GJB7: variants seen among roughly 807,000 people sequenced by gnomAD.
The protein encoded by GJB7 is gap junction protein beta 7.
For missense variants in GJB7, 253 were observed against 256.8 expected, an observed-to-expected ratio of 0.99 and a Z score of 0.10; for synonymous variants, 87 against 95.2, an observed-to-expected ratio of 0.91 and a Z score of 0.50.
chr6:87,299,467 C>A, intron 2 of GJB7: 1 of 438,782 alleles, frequency 2.3e-6, no homozygotes, highest in Non-Finnish European at 4.5e-6. Context: ...ATGTGAATTC[C>A]AGGATGCCTA....
chr6:87,298,988 G>A, intron 2 of GJB7: 1 of 474,860 alleles, frequency 2.1e-6, no homozygotes, highest in Non-Finnish European at 4.2e-6. Context: ...AAAAGATGGT[G>A]TGACTGTTCC....
At chr6:87,307,063 T>A (rs1034675070) in intron 2 of GJB7, among the ~76,000 whole-genome samples, 1 of 151,974 alleles carries the variant, frequency 6.6e-6, no homozygotes, top group Non-Finnish European at 1.5e-5. Context: ...TTAGGAGACA[T>A]ACCTAATGCT....
chr6:87,317,638 C>G (rs1776602068), intron 2 of GJB7, among the ~76,000 whole-genome samples: 1 of 152,196 alleles, frequency 6.6e-6, no homozygotes, highest in South Asian at 2.1e-4. Context: ...ATCATTTTAG[C>G]CAGGCTGGTC....
chr6:87,308,204 C>A (rs1468080588), intron 2 of GJB7, among the ~76,000 whole-genome samples: 1 of 150,876 alleles, frequency 6.6e-6, no homozygotes, highest in African/African-American at 2.4e-5. Flanking sequence ...GGAAGGGGAA[C>A]ATCACCCACC....
At chr6:87,304,637 T>A (rs1776392090) in intron 2 of GJB7, among the ~76,000 whole-genome samples, 1 of 152,012 alleles carries the variant, frequency 6.6e-6, no homozygotes, top group South Asian at 2.1e-4. Flanking sequence ...ACTATTCCAA[T>A]CAATAGAAAA....
In GJB7 at chr6:87,327,362, A is replaced by G. The variant is rs188341374; in HGVS notation, c.-206+1776T>C. Among the ~76,000 whole-genome samples the G allele has an allele frequency of 2.9e-3, 438 of 152,054 alleles. 1 individual carries two copies. The highest frequency in any genetic ancestry group is 6.8e-3 in the Middle Eastern group (2 of 294). On this transcript the variant is annotated intron_variant, in intron 1 of 2. Transcript: ENST00000525899. ...TTGATACAGTTTCTTCCTAGTCTCA[A>G]TGGTCTTTACATTTTGGCAATGGAT...
intron 2 of GJB7, among the ~76,000 whole-genome samples, chr6:87,297,215 A>G (rs1456311346): frequency 6.6e-6 from 1 of 152,222 alleles, no homozygotes; most frequent in African/African-American, 2.4e-5. Flanking sequence ...TGTGGTTCAC[A>G]TTCAATCATA....
At chr6:87,297,700 G>GAAACATATAATCTATAGTC (rs1776266001) in intron 2 of GJB7, among the ~76,000 whole-genome samples, 1 of 152,184 alleles carries the variant, frequency 6.6e-6, no homozygotes. Context: ...ATTTAGTCTA[G>GAAACATATAATCTATAGTC]TAGATTATAG....
chr6:87,284,913 G>T lies in GJB7; in HGVS notation c.-1C>A, dbSNP rs1459831419. 8 of 1,607,250 alleles carry T rather than the reference G, an allele frequency of 5.0e-6. No homozygotes were observed. Among genetic ancestry groups the T allele is most frequent in the Non-Finnish European group, 6.0e-6 (7 of 1,174,864 alleles). On this transcript the variant is annotated 5_prime_UTR_variant, in exon 3 of 3. Coordinates refer to ENST00000525899, the MANE Select transcript of GJB7 (RefSeq NM_198568.3). ...GATCTCTGAGGAACATCCAACTCAT[G>T]ACTTAGGCTCAAAAGAAGGCAAGAC...
At chr6:87,323,251 G>A (rs956477763) in intron 1 of GJB7, among the ~76,000 whole-genome samples, 13 of 145,474 alleles carry the variant, frequency 8.9e-5, no homozygotes, top group African/African-American at 2.7e-4. Context: ...GAGGTGGAAA[G>A]ATACTTTTGT....
intron 2 of GJB7, among the ~76,000 whole-genome samples, chr6:87,320,173 G>A (rs1185832458): frequency 6.6e-6 from 1 of 152,020 alleles, no homozygotes; most frequent in African/African-American, 2.4e-5. Flanking sequence ...GGGTATAATT[G>A]GAATGTTTGT....
rs150674627 is a variant in GJB7 at position 87,328,140 on chromosome 6, C to G, written c.-206+998G>C. On this transcript the variant is annotated intron_variant, in intron 1 of 2. Transcript: ENST00000525899. ...TAAGCACTTCTCAGTATTGGTTATTCTAGTTATACATTCTTCTAAACTTTT... is the reference window on the plus strand; with the variant it reads ...TAAGCACTTCTCAGTATTGGTTATTGTAGTTATACATTCTTCTAAACTTTT... Among the ~76,000 whole-genome samples, 946 of 152,250 alleles carry G rather than the reference C, an allele frequency of 6.2e-3. 13 individuals carry two copies. The highest frequency in any genetic ancestry group is 0.022 in the African/African-American group (909 of 41,530).
At chr6:87,304,725 A>G (rs1776394518) in intron 2 of GJB7, among the ~76,000 whole-genome samples, 1 of 152,208 alleles carries the variant, frequency 6.6e-6, no homozygotes, top group African/African-American at 2.4e-5. Flanking sequence ...ACAACAAAAA[A>G]AGAGAATTTT....
chr6:87,326,469 T>C (rs528998337), intron 1 of GJB7, among the ~76,000 whole-genome samples: 7 of 152,324 alleles, frequency 4.6e-5, no homozygotes, highest in Admixed American at 3.3e-4. Context: ...ATTTTGTGTC[T>C]TTGTTCTCGT....
chr6:87,318,427 C>T (rs1306326682), intron 2 of GJB7, among the ~76,000 whole-genome samples: 4 of 152,160 alleles, frequency 2.6e-5, no homozygotes, highest in African/African-American at 9.7e-5. Context: ...CATGAATCTG[C>T]AGAGTTCAGC....
At chr6:87,299,127 C>A (rs1776285448) in intron 2 of GJB7, 3 of 477,332 alleles carry the variant, frequency 6.3e-6, no homozygotes, top group Non-Finnish European at 1.3e-5. Flanking sequence ...TGCTCTTTTG[C>A]CAAGAAAGGC....
chr6:87,323,618 G>A (rs1776730036), intron 1 of GJB7, among the ~76,000 whole-genome samples: 1 of 151,922 alleles, frequency 6.6e-6, no homozygotes, highest in East Asian at 1.9e-4. Context: ...CATTTTTTAT[G>A]GCTGCATAGT....
At position 87,283,850 on chromosome 6, in the gene GJB7, TTC is replaced by T. The variant is rs201131957; in HGVS notation, c.*389_*390del. The T allele has an allele frequency of 2.7e-3, 312 of 115,012 alleles. No homozygotes were observed. Among genetic ancestry groups the T allele is most frequent in the Admixed American group, 6.4e-3 (64 of 9,960 alleles). The allele number at this position is 115,012 out of a possible 1,614,324, so 7.1% of individuals were successfully genotyped here. A position where few individuals can be genotyped will look rare whatever the true frequency, so the allele number is the denominator to read the frequency against. ...ACACAGGGTTTCTTTTTTTTTTTTTTTCCCTGAAAAATCTAAGCTCTTAAAAG... is the reference window on the plus strand; with the variant it reads ...ACACAGGGTTTCTTTTTTTTTTTTTTCCTGAAAAATCTAAGCTCTTAAAAG... On this transcript the variant is annotated 3_prime_UTR_variant, in exon 3 of 3. Coordinates refer to ENST00000525899, the MANE Select transcript of GJB7 (RefSeq NM_198568.3).
rs374993935 is a variant in GJB7, at chr6:87,326,106, G to A, written c.-206+3032C>T. The stretch of plus-strand genomic sequence containing the variant: ...TAGTTTGTATTTCTGTGGGATCGGT[G>A]GTGATATCCCTTTTATCATTTTTTA... On this transcript the variant is annotated intron_variant, in intron 1 of 2. Transcript: ENST00000525899. Among the ~76,000 whole-genome samples the A allele has an allele frequency of 5.3e-5, 8 of 152,232 alleles. No homozygotes were observed. In the South Asian group the frequency reaches 1.7e-3, roughly 32 times the overall value.
Sources: allele counts gnomAD v4.1 joint callset (sites outside exome capture counted in the v4.1 genomes callset), GRCh38; gene constraint gnomAD v4.1.1; transcripts MANE v1.5; gene names NCBI Gene and HGNC (gene_info 2026-07-23, HGNC 2026-07-21).